Variants in ADH1B observed in about 807,000 individuals in gnomAD.
The protein encoded by ADH1B is all-trans-retinol dehydrogenase [NAD(+)] ADH1B.
Under a neutral mutation model 34.6 loss-of-function variants are expected in ADH1B, and 29 were observed. The observed-to-expected ratio is 0.84, with a 90% confidence interval of 0.62 to 1.14. The LOEUF (loss-of-function observed/expected upper bound fraction) is 1.14. Ranked by LOEUF, ADH1B falls within the 50% of genes most tolerant of loss-of-function variation. The pLI, the probability that ADH1B is intolerant of heterozygous loss-of-function variation, is 0.00. For synonymous variants in ADH1B, 170 were observed against 175.5 expected, an observed-to-expected ratio of 0.97 and a Z score of 0.25; for missense variants, 424 against 468.4, an observed-to-expected ratio of 0.91 and a Z score of 0.87.
rs1375729427 is a variant in ADH1B, at chr4:99,321,370, T to C, written c.-39A>G. 1.2e-6 allele frequency: 2 copies of C among 1,608,430 alleles called. No homozygotes were observed. The highest frequency in any genetic ancestry group is 1.7e-6 in the Non-Finnish European group (2 of 1,176,202). On this transcript the variant is annotated 5_prime_UTR_variant, in exon 1 of 9. Coordinates refer to ENST00000305046, the MANE Select transcript of ADH1B (RefSeq NM_000668.6). ...TCTCTGCCCACCAGCAGACTGTGAG[T>C]CTTTGTGGATTTCTTCTCTGCTTGA...
chr4:99,305,235 C>A lies in ADH1B; in HGVS notation c.*2605G>T, dbSNP rs190558478. The A allele has an allele frequency of 6.6e-6, 1 of 150,904 alleles. No homozygotes were observed. The highest frequency in any genetic ancestry group is 6.6e-5 in the Admixed American group (1 of 15,170). 9.3% of individuals were successfully genotyped at this position (150,904 alleles called of 1,614,324 possible). A position where few individuals can be genotyped will look rare whatever the true frequency, so the allele number is the denominator to read the frequency against. ...TATATTTTTAGATTATTTGTTTATA[C>A]CAGAATTTGAAATTTTTCTCCATGC... On this transcript the variant is annotated 3_prime_UTR_variant, in exon 9 of 9. Transcript: ENST00000305046.
chr4:99,305,873 TC>T lies in ADH1B; in HGVS notation c.*1966del. ...GAGATGGGCATGTAGAACTCCATTT[TC>T]TTTTTCTGGATCTCACACAATCAGC... On this transcript the variant is annotated 3_prime_UTR_variant, in exon 9 of 9. Transcript: ENST00000305046. 6.6e-6 allele frequency: 1 copy of T among 152,122 alleles called. No individual in the cohort carries two copies. The highest frequency in any genetic ancestry group is 3.4e-3 in the Middle Eastern group (1 of 294). The allele number at this position is 152,122 out of a possible 1,614,324, so 9.4% of individuals were successfully genotyped here. A position where few individuals can be genotyped will look rare whatever the true frequency, so the allele number is the denominator to read the frequency against.
At chr4:99,320,981 T>C in intron 1 of ADH1B, 1 of 1,104,752 alleles carries the variant, frequency 9.1e-7, no homozygotes. Context: ...ATTATAAAGA[T>C]AACTTGCCAT....
intron 3 of ADH1B, chr4:99,317,443 CA>C (rs1560529488): frequency 4.6e-5 from 7 of 152,280 alleles, no homozygotes; most frequent in African/African-American, 1.7e-4. Context: ...ACAAGGCAGA[CA>C]TTGTTGATGG....
Position 99,305,109 on chromosome 4 carries a change from A to G in ADH1B, c.*2731T>C, listed in dbSNP as rs1733568108. 1 of 152,052 alleles carries G rather than the reference A, an allele frequency of 6.6e-6. No homozygotes were observed. The highest frequency in any genetic ancestry group is 1.5e-5 in the Non-Finnish European group (1 of 68,022). The allele number at this position is 152,052 out of a possible 1,614,324, so 9.4% of individuals were successfully genotyped here. On this transcript the variant is annotated 3_prime_UTR_variant, in exon 9 of 9. Transcript: ENST00000305046. The stretch of plus-strand genomic sequence containing the variant: ...TTTCCTCTTTGGTTGTCTATTTTTA[A>G]ATGAAAAAGCACCAGGATTTTAGAA...
intron 6 of ADH1B, 150 bp from the exon 7 acceptor site, chr4:99,311,806 C>T (rs781242201): frequency 1.9e-4 from 230 of 1,226,386 alleles, no homozygotes; most frequent in Middle Eastern, 3.0e-4. Context: ...CTTTTTTGCA[C>T]GGGATAGTGC....
At chr4:99,318,737 CTGAGTTTTTTAAATGTA>C (rs1227202340) in intron 2 of ADH1B, 31 bp downstream of exon 2, 22 of 1,545,760 alleles carry the variant, frequency 1.4e-5, no homozygotes, top group Non-Finnish European at 1.7e-5. Flanking sequence ...TTAATGTTCT[CTGAGTTTTTTAAATGTA>C]AAATGAAATA....
At position 99,305,501 on chromosome 4, in the gene ADH1B, C is replaced by CACAT. The variant is rs750807831; in HGVS notation, c.*2338_*2339insATGT. On this transcript the variant is annotated 3_prime_UTR_variant, in exon 9 of 9. Coordinates refer to ENST00000305046, the MANE Select transcript of ADH1B (RefSeq NM_000668.6). ...AGCCAATACTTTCTACACTGGAATA[C>CACAT]ATATATATATATATATATATATACA... 2 of 94,378 alleles carry CACAT rather than the reference C, an allele frequency of 2.1e-5. No individual in the cohort carries two copies. The highest frequency in any genetic ancestry group is 2.2e-4 in the Admixed American group (2 of 9,108). 5.8% of individuals were successfully genotyped at this position (94,378 alleles called of 1,614,324 possible).
intron 5 of ADH1B, chr4:99,315,682 A>T (rs1308148004): frequency 6.4e-6 from 4 of 624,390 alleles, no homozygotes; most frequent in Non-Finnish European, 8.2e-6. Context: ...AAGAAAAATT[A>T]TTGTAAATGA....
Position 99,307,524 on chromosome 4 carries a change from A to C in ADH1B, c.*316T>G. The C allele has an allele frequency of 2.5e-6, 1 of 393,872 alleles. No homozygotes were observed. Among genetic ancestry groups the C allele is most frequent in the South Asian group, 2.5e-5 (1 of 39,808 alleles). The allele number at this position is 393,872 out of a possible 1,614,324, so 24.4% of individuals were successfully genotyped here. A position where few individuals can be genotyped will look rare whatever the true frequency, so the allele number is the denominator to read the frequency against. On this transcript the variant is annotated 3_prime_UTR_variant, in exon 9 of 9. Transcript: ENST00000305046. ...GATTCGATGACTAAAGATTATGAAG[A>C]TACCAAAAATGCAAGAAGTCACAGG...
At chr4:99,315,778 T>C (rs751273789) in intron 5 of ADH1B, 120 bp downstream of exon 5, 1 of 1,245,416 alleles carries the variant, frequency 8.0e-7, no homozygotes, top group Non-Finnish European at 1.1e-6. Context: ...GCCATTTTTC[T>C]ACTCATAATC....
chr4:99,316,527 A>C (rs189100607), intron 3 of ADH1B: 69 of 559,076 alleles, frequency 1.2e-4, no homozygotes, highest in Non-Finnish European at 1.9e-4. Flanking sequence ...AATGTGGGAG[A>C]CCACACAGAT....
chr4:99,315,893 C>A lies in ADH1B; in HGVS notation c.567+5G>T. ...AGCAGTTTTATCACCCATTGTCATT[C>A]TCACCTTGGCAACGTTAACTGCAGA... On this transcript the variant is annotated splice_donor_5th_base_variant and intron_variant, in intron 5 of 8. Coordinates refer to ENST00000305046, the MANE Select transcript of ADH1B (RefSeq NM_000668.6). The A allele has an allele frequency of 6.2e-7, 1 of 1,614,116 alleles. No individual in the cohort carries two copies. The highest frequency in any genetic ancestry group is 1.1e-5 in the South Asian group (1 of 91,088).
rs1200806710 is a variant in ADH1B at position 99,305,593 on chromosome 4, A to G, written c.*2247T>C. On this transcript the variant is annotated 3_prime_UTR_variant, in exon 9 of 9. Transcript: ENST00000305046. ...TATATATATATATATATATATATAT[A>G]TATATATATATATATACAATCACTT... The G allele has an allele frequency of 1.7e-5, 2 of 115,228 alleles. No homozygotes were observed. The highest frequency in any genetic ancestry group is 6.2e-5 in the African/African-American group (2 of 32,196). 7.1% of individuals were successfully genotyped at this position (115,228 alleles called of 1,614,324 possible).
rs1181667845 is a variant in ADH1B at position 99,314,014 on chromosome 4, C to A, written c.635G>T (p.Cys212Phe). Residue 212 changes from cysteine to phenylalanine, a missense_variant, in exon 6 of 9, where the codon TGT becomes TTT. By Grantham distance (205) the Cys-to-Phe change is radical. Around this residue, in one of 3 missense-constraint regions of ADH1B, gnomAD observed 291 missense variants for 300.4 expected, o/e 0.97. Coordinates refer to ENST00000305046, the MANE Select transcript of ADH1B (RefSeq NM_000668.6). The part of the protein sequence containing the change: ...GGVGLSAVMG[C>F]KAAGAARIIA... ...GATTCTGGCTGCTCCAGCTGCTTTA[C>A]AGCCCATAACAGCAGATAGGCCGAC... The A allele has an allele frequency of 1.2e-6, 2 of 1,614,212 alleles. No individual in the cohort carries two copies. The highest frequency in any genetic ancestry group is 4.5e-5 in the East Asian group (2 of 44,880).
At position 99,315,967 on chromosome 4, in the gene ADH1B, G is replaced by A. The variant is rs766868651; in HGVS notation, c.498C>T (p.Pro166=). The A allele has an allele frequency of 1.2e-6, 2 of 1,614,194 alleles. No homozygotes were observed. The highest frequency in any genetic ancestry group is 1.1e-5 in the South Asian group (1 of 91,086). ...NAVAKIDAAS[P]LEKVCLIGCG... ...AGCCAATGAGGCAGACTTTCTCCAG[G>A]GGCGAGGCTGCATCAATTTTGGCCA... Residue 166 remains proline (P), a synonymous_variant, in exon 5 of 9, where the codon CCC becomes CCT. Transcript: ENST00000305046.
chr4:99,320,145 C>T (rs1167316533), intron 1 of ADH1B: 2 of 152,140 alleles, frequency 1.3e-5, no homozygotes, highest in Non-Finnish European at 2.9e-5. Context: ...GTGCACCCCT[C>T]ACACAAGCAG....
In ADH1B at chr4:99,305,557, T is replaced by G. The variant is rs2110625094; in HGVS notation, c.*2283A>C. On this transcript the variant is annotated 3_prime_UTR_variant, in exon 9 of 9. Transcript: ENST00000305046. ...TTAACTATATGAACCACTTGCCCCA[T>G]AGTGTATATATATATATATATATAT... 1 of 69,402 alleles carries G rather than the reference T, an allele frequency of 1.4e-5. No homozygotes were observed. Among genetic ancestry groups the G allele is most frequent in the South Asian group, 4.3e-4 (1 of 2,352 alleles). 4.3% of individuals were successfully genotyped at this position (69,402 alleles called of 1,614,324 possible). A position where few individuals can be genotyped will look rare whatever the true frequency, so the allele number is the denominator to read the frequency against.
chr4:99,314,204 A>G, intron 5 of ADH1B, 123 bp from the exon 6 acceptor site: 3 of 1,468,060 alleles, frequency 2.0e-6, no homozygotes, highest in Non-Finnish European at 2.7e-6. Flanking sequence ...CCAACCGTTT[A>G]TCAAAACCTC....
Sources: allele counts gnomAD v4.1 joint callset, GRCh38; gene constraint gnomAD v4.1.1; regional missense constraint gnomAD v4.1.1; transcripts MANE v1.5; gene names NCBI Gene and HGNC (gene_info 2026-07-23, HGNC 2026-07-21).